Variants in MGAT4A observed in about 807,000 individuals in gnomAD.
MGAT4A encodes alpha-1,3-mannosyl-glycoprotein 4-beta-N-acetylglucosaminyltransferase A, also known as N-acetylglucosaminyltransferase IVa.
Under a neutral mutation model 74.1 loss-of-function variants are expected in MGAT4A, and 33 were observed. That is an observed-to-expected ratio of 0.45 (90% CI 0.34 to 0.60). The LOEUF (loss-of-function observed/expected upper bound fraction) is 0.60. Among genes scored for constraint, MGAT4A ranks in the 20% least tolerant of loss-of-function variants. The pLI is 0.02. For missense variants in MGAT4A, 479 were observed against 628.3 expected, an observed-to-expected ratio of 0.76 and a Z score of 2.54; for synonymous variants, 198 against 210.4, an observed-to-expected ratio of 0.94 and a Z score of 0.51.
chr2:98,655,549 T>C (rs1244273083), intron 7 of MGAT4A, 29 bp from the exon 8 acceptor site: 1 of 1,482,234 alleles, frequency 6.7e-7, no homozygotes, highest in Non-Finnish European at 9.3e-7. Context: ...AAAAGTAAGT[T>C]AGGAATCAGA....
At chr2:98,681,677 C>T (rs1702061926) in intron 2 of MGAT4A, among the ~76,000 whole-genome samples, 1 of 152,046 alleles carries the variant, frequency 6.6e-6, no homozygotes, top group South Asian at 2.1e-4. Context: ...CTTTGGAGGC[C>T]GGGCGTGATA....
rs769836787 is a variant in MGAT4A at position 98,675,047 on chromosome 2, C to T, written c.391G>A (p.Gly131Arg). The change falls in exon 4 of 16, where the codon GGA becomes AGA. Residue 131 changes from glycine to arginine, a missense_variant. Gly to Arg is a moderately radical substitution (Grantham distance 125). Transcript: ENST00000393487. ...SLQPAVQIGN[G>R]RTGVSIVMGI... ...AAAATAAACATACCTCCTGTTCTTC[C>T]GTTGCCAATCTGTACAGCAGGTTGA... is the stretch of plus-strand genomic sequence containing the variant. 55 of 1,607,922 alleles carry T rather than the reference C, an allele frequency of 3.4e-5. No homozygotes were observed. Among genetic ancestry groups the T allele is most frequent in the Non-Finnish European group, 4.5e-5 (53 of 1,178,552 alleles).
At chr2:98,710,947 G>A (rs191620992) in intron 2 of MGAT4A, among the ~76,000 whole-genome samples, 256 of 152,042 alleles carry the variant, frequency 1.7e-3, no homozygotes, top group Middle Eastern at 3.4e-3. Context: ...GAAGAACGGC[G>A]GGTGGGGAGG....
intron 2 of MGAT4A, among the ~76,000 whole-genome samples, chr2:98,689,594 G>A (rs140544396): frequency 7.9e-4 from 121 of 152,244 alleles, no homozygotes; most frequent in African/African-American, 2.8e-3. Context: ...AGGCTGAAGC[G>A]GGTGGATCAC....
At chr2:98,716,621 T>C (rs192342619) in intron 2 of MGAT4A, among the ~76,000 whole-genome samples, 1 of 152,338 alleles carries the variant, frequency 6.6e-6, no homozygotes, top group East Asian at 1.9e-4. Flanking sequence ...CGAAACTCCA[T>C]CTCAGAAAAG....
chr2:98,646,460 T>C (rs1039620834), intron 8 of MGAT4A, among the ~76,000 whole-genome samples: 1 of 152,012 alleles, frequency 6.6e-6, no homozygotes, highest in Non-Finnish European at 1.5e-5. Context: ...TCCCAGCACT[T>C]CGGGGGGCCC....
chr2:98,707,894 A>G (rs1364958746), intron 2 of MGAT4A, among the ~76,000 whole-genome samples: 2 of 152,130 alleles, frequency 1.3e-5, no homozygotes, highest in Non-Finnish European at 2.9e-5. Flanking sequence ...AAACAGTGAG[A>G]CATCTGTTTG....
intron 2 of MGAT4A, among the ~76,000 whole-genome samples, chr2:98,680,442 ACACT>A (rs1228477520): frequency 6.6e-6 from 1 of 152,218 alleles, no homozygotes; most frequent in Middle Eastern, 3.2e-3. Context: ...AGTCTTAATA[ACACT>A]CAATTATTCT....
At position 98,621,763 on chromosome 2, in the gene MGAT4A, C is replaced by T. The variant is rs1349054942; in HGVS notation, c.*3803G>A. ...CCAGTCTTTTCTTTGAGGGACAGCACTGTTGGGAGACAACCTCTTTTTCAT... is the reference window on the plus strand; with the variant it reads ...CCAGTCTTTTCTTTGAGGGACAGCATTGTTGGGAGACAACCTCTTTTTCAT... On this transcript the variant is annotated 3_prime_UTR_variant, in exon 16 of 16. Coordinates refer to ENST00000393487, the MANE Select transcript of MGAT4A (RefSeq NM_012214.3). 1 of 1,178,880 alleles carries T rather than the reference C, an allele frequency of 8.5e-7. No homozygotes were observed. The highest frequency in any genetic ancestry group is 4.0e-5 in the East Asian group (1 of 24,702). 73.0% of individuals were successfully genotyped at this position (1,178,880 alleles called of 1,614,324 possible).
At chr2:98,681,858 C>T (rs764720288) in intron 2 of MGAT4A, among the ~76,000 whole-genome samples, 1 of 152,020 alleles carries the variant, frequency 6.6e-6, no homozygotes, top group African/African-American at 2.4e-5. Flanking sequence ...TATTCTTCTG[C>T]CAGCAAGAAA....
In MGAT4A at chr2:98,678,375, G is replaced by T. The variant is rs187651733; in HGVS notation, c.191C>A (p.Thr64Lys). The part of the protein sequence containing the change: ...RISQRSSELN[T>K]IVQQFKRVGA... ...TACACGCTTGAACTGTTGCACAATC[G>T]TATTTAATTCAGAAGAGCGCTGTGA... is the stretch of plus-strand genomic sequence containing the variant. The change falls in exon 3 of 16, where the codon ACG (threonine) becomes AAG (lysine). Residue 64 changes from threonine to lysine, a missense_variant. Physicochemically the swap from Thr to Lys is moderately conservative, Grantham distance 78. This residue lies in a region of MGAT4A where 205 missense variants were observed against 232.7 expected (regional missense o/e 0.88). Coordinates refer to ENST00000393487, the MANE Select transcript of MGAT4A (RefSeq NM_012214.3). 6.3e-7 allele frequency: 1 copy of T among 1,581,710 alleles called. No individual in the cohort carries two copies. The highest frequency in any genetic ancestry group is 1.2e-5 in the South Asian group (1 of 86,176).
At position 98,714,307 on chromosome 2, in the gene MGAT4A, G is replaced by A. The variant is rs369950903; in HGVS notation, c.94+11932C>T. On this transcript the variant is annotated intron_variant, in intron 2 of 15. Coordinates refer to ENST00000393487, the MANE Select transcript of MGAT4A (RefSeq NM_012214.3). ...TCACCATGTTGGCCAGGCTGGTCTC[G>A]AACTCCTGACTTCAAGTGATCCACC... Among the ~76,000 whole-genome samples the A allele has an allele frequency of 2.7e-4, 41 of 152,174 alleles. No homozygotes were observed. In the South Asian group the frequency reaches 4.6e-3, roughly 17 times the overall value.
Position 98,689,041 on chromosome 2 carries a change from A to C in MGAT4A, c.95-10570T>G, listed in dbSNP as rs1166620247. 3.3e-5 allele frequency among the ~76,000 whole-genome samples: 5 copies of C among 152,328 alleles called. No individual in the cohort carries two copies. In the South Asian group the frequency reaches 6.2e-4, roughly 19 times the overall value. On this transcript the variant is annotated intron_variant, in intron 2 of 15. Coordinates refer to ENST00000393487, the MANE Select transcript of MGAT4A (RefSeq NM_012214.3). The stretch of plus-strand genomic sequence containing the variant: ...TCCTAATCATGCTAAAAAAAACTAA[A>C]TAAAATGGAAGAATGATAGAACCAC...
At chr2:98,728,906 T>G (rs1285369999) in intron 1 of MGAT4A, among the ~76,000 whole-genome samples, 6 of 152,198 alleles carry the variant, frequency 3.9e-5, no homozygotes, top group Non-Finnish European at 8.8e-5. Context: ...CTTATAACTT[T>G]CAGCTGCTAT....
Position 98,680,040 on chromosome 2 carries a change from C to CTTTTTTT in MGAT4A, c.95-1576_95-1570dup, listed in dbSNP as rs778595164. Among the ~76,000 whole-genome samples the CTTTTTTT allele has an allele frequency of 8.2e-3, 1,070 of 130,992 alleles. 58 individuals are homozygous for CTTTTTTT. The highest frequency in any genetic ancestry group is 0.014 in the Non-Finnish European group (848 of 61,994). The allele number at this position is 130,992 out of a possible 152,430, so 85.9% of individuals were successfully genotyped here. ...GACACCTAAACAAACCTTAGAAAGGCTTTTTTTTTTTTTTTTCTGAGACAG... is the reference window on the plus strand; with the variant it reads ...GACACCTAAACAAACCTTAGAAAGGCTTTTTTTTTTTTTTTTTTTTTTTCTGAGACAG... On this transcript the variant is annotated intron_variant, in intron 2 of 15. Coordinates refer to ENST00000393487, the MANE Select transcript of MGAT4A (RefSeq NM_012214.3).
intron 7 of MGAT4A, 147 bp downstream of exon 7, chr2:98,656,205 T>C: frequency 3.3e-6 from 2 of 610,228 alleles, no homozygotes; most frequent in Non-Finnish European, 5.8e-6. Flanking sequence ...CTACATTATT[T>C]CCAAGCGGTC....
intron 3 of MGAT4A, among the ~76,000 whole-genome samples, chr2:98,676,626 C>A (rs1419399375): frequency 6.6e-6 from 1 of 151,914 alleles, no homozygotes; most frequent in Non-Finnish European, 1.5e-5. Flanking sequence ...GGGGGAAAAA[C>A]AACCCAGAAA....
intron 4 of MGAT4A, among the ~76,000 whole-genome samples, chr2:98,666,685 C>T (rs1432557779): frequency 1.3e-5 from 2 of 151,100 alleles, no homozygotes; most frequent in African/African-American, 2.4e-5. Context: ...AGAGCAAGAC[C>T]CTGTCTCAAA....
At chr2:98,725,980 T>C in intron 2 of MGAT4A, 1 of 416,812 alleles carries the variant, frequency 2.4e-6, no homozygotes. Flanking sequence ...GGCTGTCTTT[T>C]AGAATATAAA....
Sources: gnomAD v4.1 joint callset for allele counts (sites outside exome capture counted in the v4.1 genomes callset) on GRCh38, gnomAD v4.1.1 for gene constraint, gnomAD v4.1.1 regional missense constraint, MANE v1.5 for transcripts, NCBI Gene and HGNC (gene_info 2026-07-23, HGNC 2026-07-21) for gene names.